The following CFAP54 variants were observed in gnomAD, a reference collection of about 807,000 sequenced individuals.
CFAP54 encodes the protein cilia and flagella associated protein 54.
A neutral mutation model predicts 370.4 loss-of-function variants in CFAP54; 290 were observed. The ratio of observed to expected loss-of-function variants is 0.78; its 90% confidence interval spans 0.71 to 0.86. The LOEUF (loss-of-function observed/expected upper bound fraction) is 0.86, where lower values mean the gene tolerates loss of function less well. CFAP54 is among the 40% of genes least tolerant of loss of function. The pLI, the probability that CFAP54 is intolerant of heterozygous loss-of-function variation, is 0.00. For missense variants in CFAP54, 3,399 were observed against 3,528.7 expected (o/e 0.96, Z 0.93); for synonymous variants, 1,206 against 1,236.5 (o/e 0.98, Z 0.52).
chr12:96,655,579 A>G (rs1956912683), intron 36 of CFAP54, among the ~76,000 whole-genome samples: 1 of 152,206 alleles, frequency 6.6e-6, no homozygotes, highest in African/African-American at 2.4e-5. Flanking sequence ...TGTAGAAAAT[A>G]CAGTGGACAG....
Position 96,786,804 on chromosome 12 carries a change from C to A in CFAP54, c.8585C>A (p.Ser2862Tyr), listed in dbSNP as rs908823444. ...FFLKKFLQLY[S>Y]SSCIDEFPKE... The stretch of plus-strand genomic sequence containing the variant: ...CTTAAAAAATTCTTACAGCTGTATT[C>A]TTCTTCTTGTATTGATGAATTTCCA... Residue 2862 changes from serine (S) to tyrosine (Y), a missense_variant, in exon 62 of 68, where the codon TCT becomes TAT. Physicochemically the swap from Ser to Tyr is moderately radical, Grantham distance 144. Transcript: ENST00000524981. The A allele has an allele frequency of 7.2e-6, 11 of 1,535,604 alleles. No homozygotes were observed. Among genetic ancestry groups the A allele is most frequent in the African/African-American group, 1.4e-5 (1 of 73,146 alleles).
chr12:96,855,592 C>T (rs1959679611), intron 66 of CFAP54, among the ~76,000 whole-genome samples: 1 of 152,216 alleles, frequency 6.6e-6, no homozygotes, highest in Non-Finnish European at 1.5e-5. Context: ...GTCATTAAAC[C>T]TTAAAGTTCC....
At chr12:96,805,650 A>G (rs1166570349) in intron 63 of CFAP54, among the ~76,000 whole-genome samples, 1 of 152,124 alleles carries the variant, frequency 6.6e-6, no homozygotes, top group Non-Finnish European at 1.5e-5. Context: ...GGGAATGTAA[A>G]TTAGTACAAT....
At chr12:96,797,252 T>A (rs1411825584) in intron 63 of CFAP54, among the ~76,000 whole-genome samples, 1 of 151,930 alleles carries the variant, frequency 6.6e-6, no homozygotes, top group Non-Finnish European at 1.5e-5. Flanking sequence ...CAGGAAAGTG[T>A]TAATTGTGTA....
intron 32 of CFAP54, among the ~76,000 whole-genome samples, chr12:96,633,522 A>G (rs1956631092): frequency 6.6e-6 from 1 of 152,192 alleles, no homozygotes; most frequent in Non-Finnish European, 1.5e-5. Context: ...TAGAATTTGT[A>G]TGACCACCAC....
At chr12:96,533,118 ACTTTT>A (rs915892607) in intron 9 of CFAP54, among the ~76,000 whole-genome samples, 48 of 151,536 alleles carry the variant, frequency 3.2e-4, no homozygotes, top group African/African-American at 1.2e-3. Flanking sequence ...ACTTTCAGTT[ACTTTT>A]CTTTTCTTTC....
intron 66 of CFAP54, among the ~76,000 whole-genome samples, chr12:96,853,957 G>A (rs185058599): frequency 1.3e-5 from 2 of 151,604 alleles, no homozygotes; most frequent in Admixed American, 1.3e-4. Context: ...TATAAATTAT[G>A]TCGTGAAGAT....
Position 96,609,202 on chromosome 12 carries a change from T to C in CFAP54, c.3639+10435T>C, listed in dbSNP as rs564925370. Among the ~76,000 whole-genome samples the C allele has an allele frequency of 2.0e-4, 30 of 152,318 alleles. 1 individual carries two copies. Among genetic ancestry groups the C allele is most frequent in the African/African-American group, 6.7e-4 (28 of 41,580 alleles). On this transcript the variant is annotated intron_variant, in intron 26 of 67. Transcript: ENST00000524981. ...TGTAGTGTCCTTCAAATCTGTTCTG[T>C]CAGATCACCCTTCTCTGCTCCTGAA...
At chr12:96,729,597 T>C (rs1957891231) in intron 50 of CFAP54, among the ~76,000 whole-genome samples, 1 of 152,130 alleles carries the variant, frequency 6.6e-6, no homozygotes, top group South Asian at 2.1e-4. Context: ...TGTCACCCCT[T>C]TCCTTAACCA....
intron 50 of CFAP54, among the ~76,000 whole-genome samples, chr12:96,726,284 C>T (rs1431775252): frequency 3.9e-5 from 6 of 151,944 alleles, no homozygotes; most frequent in Admixed American, 6.6e-5. Context: ...TGGTAGAATT[C>T]GGCTATGAAT....
rs1193740756 is a variant in CFAP54 at position 96,792,518 on chromosome 12, G to T, written c.8850+19G>T. 2 of 1,499,172 alleles carry T rather than the reference G, an allele frequency of 1.3e-6. No individual in the cohort carries two copies. Among genetic ancestry groups the T allele is most frequent in the South Asian group, 2.5e-5 (2 of 79,328 alleles). The allele number at this position is 1,499,172 out of a possible 1,614,324, so 92.9% of individuals were successfully genotyped here. On this transcript the variant is annotated intron_variant, in intron 63 of 67. Coordinates refer to ENST00000524981, the MANE Select transcript of CFAP54 (RefSeq NM_001306084.2). Reference sequence around the variant, plus strand: ...ACCTATGGTATGTAATGTACTTATAGAACTCAATATTTCATTTATATATAA... The same window carrying T: ...ACCTATGGTATGTAATGTACTTATATAACTCAATATTTCATTTATATATAA...
chr12:96,689,765 T>C (rs1490182874), intron 43 of CFAP54, among the ~76,000 whole-genome samples: 1 of 152,192 alleles, frequency 6.6e-6, no homozygotes, highest in Non-Finnish European at 1.5e-5. Flanking sequence ...AGCTTTTATT[T>C]GAAATACAAG....
At chr12:96,796,987 T>G (rs1488612136) in intron 63 of CFAP54, among the ~76,000 whole-genome samples, 3 of 152,202 alleles carry the variant, frequency 2.0e-5, no homozygotes, top group Admixed American at 6.5e-5. Flanking sequence ...CTCTAAACAT[T>G]GTTTTGGCTG....
chr12:96,552,167 A>G (rs1955701469), intron 15 of CFAP54, among the ~76,000 whole-genome samples: 1 of 149,306 alleles, frequency 6.7e-6, no homozygotes, highest in Non-Finnish European at 1.5e-5. Context: ...AATTGCTTGA[A>G]CCTGGGAGGC....
intron 14 of CFAP54, among the ~76,000 whole-genome samples, chr12:96,541,213 C>A (rs566592568): frequency 6.6e-6 from 1 of 151,882 alleles, no homozygotes; most frequent in African/African-American, 2.4e-5. Flanking sequence ...TTCTCATATT[C>A]CTTTTCTCTG....
At chr12:96,551,157 G>A (rs1411050796) in intron 15 of CFAP54, among the ~76,000 whole-genome samples, 2 of 137,200 alleles carry the variant, frequency 1.5e-5, no homozygotes, top group Non-Finnish European at 3.1e-5. Context: ...TGTAGTCCTA[G>A]CTACTTGGGA....
At chr12:96,618,722 A>G (rs922643143) in intron 26 of CFAP54, among the ~76,000 whole-genome samples, 2 of 152,164 alleles carry the variant, frequency 1.3e-5, no homozygotes, top group Non-Finnish European at 2.9e-5. Context: ...TTGAATTCAC[A>G]TGCTACCTTT....
intron 32 of CFAP54, among the ~76,000 whole-genome samples, chr12:96,638,223 G>A (rs1956683142): frequency 1.1e-5 from 1 of 91,272 alleles, no homozygotes; most frequent in Non-Finnish European, 2.4e-5. Context: ...GTGTGTGTGT[G>A]TGTGTGTGTG....
At chr12:96,870,973 C>T (rs571073172) in intron 67 of CFAP54, among the ~76,000 whole-genome samples, 1 of 152,260 alleles carries the variant, frequency 6.6e-6, no homozygotes, top group South Asian at 2.1e-4. Context: ...ACGTAAGGGA[C>T]AGAGTGCAAT....
Sources: gnomAD v4.1 joint callset for allele counts (sites outside exome capture counted in the v4.1 genomes callset) on GRCh38, gnomAD v4.1.1 for gene constraint, MANE v1.5 for transcripts, NCBI Gene and HGNC (gene_info 2026-07-23, HGNC 2026-07-21) for gene names.